Variants in BCAR3 observed in about 807,000 individuals in gnomAD.
BCAR3 encodes BCAR3 adaptor protein, NSP family member.
A neutral mutation model predicts 80.1 loss-of-function variants in BCAR3; 37 were observed. The observed-to-expected ratio is 0.46, with a 90% CI of 0.36 to 0.61. The LOEUF is 0.61. BCAR3 is among the 20% of genes least tolerant of loss of function. The pLI is 0.00. For missense variants in BCAR3, 978 were observed against 1,068.2 expected (o/e 0.92, Z 1.18); for synonymous variants, 389 against 418.9 (o/e 0.93, Z 0.87).
intron 3 of BCAR3, among the ~76,000 whole-genome samples, chr1:93,624,808 T>C (rs906735514): frequency 6.6e-6 from 1 of 152,256 alleles, no homozygotes; most frequent in African/African-American, 2.4e-5. Flanking sequence ...AGTTCAGAAC[T>C]GCAGAGGCGT....
intron 2 of BCAR3, among the ~76,000 whole-genome samples, chr1:93,670,889 A>G (rs1026445643): frequency 2.6e-5 from 4 of 152,162 alleles, no homozygotes; most frequent in African/African-American, 9.7e-5. Flanking sequence ...GTAGATATGA[A>G]AGCTTAATCA....
chr1:93,644,093 C>T (rs1240357382), intron 2 of BCAR3, among the ~76,000 whole-genome samples: 2 of 152,162 alleles, frequency 1.3e-5, no homozygotes, highest in Non-Finnish European at 2.9e-5. Flanking sequence ...TATTTTACCC[C>T]AAAACATGTT....
At chr1:93,787,828 A>G (rs765060820) in intron 2 of BCAR3, among the ~76,000 whole-genome samples, 1 of 152,152 alleles carries the variant, frequency 6.6e-6, no homozygotes, top group African/African-American at 2.4e-5. Context: ...TGTTAAGTCC[A>G]TTTGTTCTAG....
chr1:93,598,236 G>A (rs115183606), intron 3 of BCAR3, among the ~76,000 whole-genome samples: 1,784 of 152,282 alleles, frequency 0.012, 43 homozygotes, highest in African/African-American at 0.04. Flanking sequence ...CAGGAGATTC[G>A]AGTTCTGAAG....
chr1:93,562,799 A>T (rs1031471012), intron 11 of BCAR3, among the ~76,000 whole-genome samples: 1 of 151,374 alleles, frequency 6.6e-6, no homozygotes, highest in Non-Finnish European at 1.5e-5. Context: ...AAATAGACTG[A>T]AAGCTTGCTT....
In BCAR3 at chr1:93,817,789, TA is replaced by T. The variant is rs201224245; in HGVS notation, c.-63+27777del. ...TGGGCTACAGCTGACTAGCCCTGTT[TA>T]CCCCCCCACATCCCTGCCCAGCATC... On this transcript the variant is annotated intron_variant, in intron 2 of 13. Transcript: ENST00000370244. 7.9e-3 allele frequency among the ~76,000 whole-genome samples: 1,202 copies of T among 152,116 alleles called. 36 individuals carry two copies. The highest frequency in any genetic ancestry group is 0.055 in the Admixed American group (840 of 15,272).
chr1:93,652,661 G>T (rs1048082700), intron 2 of BCAR3, among the ~76,000 whole-genome samples: 3 of 149,388 alleles, frequency 2.0e-5, no homozygotes, highest in African/African-American at 2.5e-5. Context: ...AATTTTTTTT[G>T]GCTTATGCCA....
chr1:93,606,416 G>A (rs1674773769), intron 3 of BCAR3, among the ~76,000 whole-genome samples: 1 of 152,204 alleles, frequency 6.6e-6, no homozygotes, highest in Non-Finnish European at 1.5e-5. Context: ...AGAGACAGGT[G>A]AGAGTGGTGT....
chr1:93,832,590 C>T (rs1442714641), intron 2 of BCAR3, among the ~76,000 whole-genome samples: 3 of 152,170 alleles, frequency 2.0e-5, no homozygotes. Flanking sequence ...TTGGGTAACT[C>T]TTACAGTGGA....
chr1:93,819,843 G>A (rs963655665), intron 2 of BCAR3, among the ~76,000 whole-genome samples: 4 of 152,158 alleles, frequency 2.6e-5, no homozygotes, highest in African/African-American at 9.6e-5. Flanking sequence ...TGGGGGTTTG[G>A]TGTACAGATT....
At chr1:93,626,171 A>G (rs994252067) in intron 3 of BCAR3, among the ~76,000 whole-genome samples, 4 of 152,244 alleles carry the variant, frequency 2.6e-5, no homozygotes, top group Non-Finnish European at 5.9e-5. Context: ...TGCAAGGAAC[A>G]GGCCCACAAT....
At chr1:93,581,735 G>A (rs1172884134) in intron 7 of BCAR3, among the ~76,000 whole-genome samples, 1 of 152,156 alleles carries the variant, frequency 6.6e-6, no homozygotes, top group Admixed American at 6.5e-5. Context: ...ATTGAGGAAG[G>A]ATTATTTTAA....
At chr1:93,704,521 A>T (rs1399435310) in intron 3 of BCAR3, among the ~76,000 whole-genome samples, 4 of 152,208 alleles carry the variant, frequency 2.6e-5, no homozygotes, top group African/African-American at 9.7e-5. Context: ...CAGAGCTAGG[A>T]TTCCAGCTGG....
chr1:93,568,109 C>G, intron 9 of BCAR3: 1 of 351,682 alleles, frequency 2.8e-6, no homozygotes, highest in Admixed American at 4.1e-5. Flanking sequence ...TTGCTTGAAC[C>G]TGGGAGGCGG....
chr1:93,766,132 C>T (rs553404989), intron 2 of BCAR3, among the ~76,000 whole-genome samples: 1 of 152,280 alleles, frequency 6.6e-6, no homozygotes, highest in Admixed American at 6.5e-5. Flanking sequence ...ACTCTGCTTC[C>T]ATGAGTTTGA....
intron 2 of BCAR3, among the ~76,000 whole-genome samples, chr1:93,721,701 C>T (rs947401470): frequency 1.3e-5 from 2 of 152,218 alleles, no homozygotes; most frequent in Admixed American, 6.5e-5. Context: ...GAACTGATGC[C>T]TCTCACCGAT....
chr1:93,659,367 T>A (rs937155201), intron 2 of BCAR3, among the ~76,000 whole-genome samples: 1 of 151,748 alleles, frequency 6.6e-6, no homozygotes, highest in Non-Finnish European at 1.5e-5. Flanking sequence ...TTATTTTTTA[T>A]TTTTTTGTAG....
At chr1:93,593,613 G>A (rs808876) in intron 3 of BCAR3, among the ~76,000 whole-genome samples, 32 of 151,994 alleles carry the variant, frequency 2.1e-4, no homozygotes, top group Admixed American at 8.5e-4. Context: ...GGGCTCAAGC[G>A]ATCCACCCAC....
chr1:93,651,338 T>G (rs1290196952), intron 2 of BCAR3, among the ~76,000 whole-genome samples: 1 of 152,202 alleles, frequency 6.6e-6, no homozygotes, highest in African/African-American at 2.4e-5. Flanking sequence ...ATGAACTGCC[T>G]TCCAAGATGG....
Sources: gnomAD v4.1 joint callset for allele counts (sites outside exome capture counted in the v4.1 genomes callset) on GRCh38, gnomAD v4.1.1 for gene constraint, MANE v1.5 for transcripts, NCBI Gene and HGNC (gene_info 2026-07-23, HGNC 2026-07-21) for gene names.